LRRTM3: variants seen among roughly 807,000 people sequenced by gnomAD.
The protein encoded by LRRTM3 is leucine rich repeat transmembrane neuronal 3.
In LRRTM3, 24 loss-of-function variants were observed where a neutral mutation model predicts 44.7. The observed-to-expected ratio is 0.54, with a 90% CI of 0.39 to 0.76. The LOEUF is 0.76. Ranked by LOEUF, LRRTM3 falls within the 30% of genes least tolerant of loss-of-function variation. The pLI is 0.00. For synonymous variants in LRRTM3, 277 were observed against 278.7 expected, an observed-to-expected ratio of 0.99 and a Z score of 0.06; for missense variants, 587 against 702.2, an observed-to-expected ratio of 0.84 and a Z score of 1.85.
intron 2 of LRRTM3, among the ~76,000 whole-genome samples, chr10:66,979,357 G>A (rs1042971554): frequency 2.6e-5 from 4 of 152,084 alleles, no homozygotes; most frequent in African/African-American, 9.7e-5. Flanking sequence ...ATTCAATTGA[G>A]TTTTAATTTG....
chr10:66,985,163 A>G (rs1850658074), intron 2 of LRRTM3, among the ~76,000 whole-genome samples: 1 of 152,190 alleles, frequency 6.6e-6, no homozygotes, highest in African/African-American at 2.4e-5. Context: ...GGTATTTCCT[A>G]CCACCTTTAT....
chr10:66,962,993 G>A (rs1849203027), intron 2 of LRRTM3, among the ~76,000 whole-genome samples: 1 of 141,966 alleles, frequency 7.0e-6, no homozygotes, highest in Admixed American at 7.0e-5. Flanking sequence ...AATGAATGAA[G>A]GGGTTCTTTG....
chr10:67,088,779 T>G (rs1053259912), intron 2 of LRRTM3, among the ~76,000 whole-genome samples: 1 of 152,072 alleles, frequency 6.6e-6, no homozygotes, highest in Non-Finnish European at 1.5e-5. Flanking sequence ...CTCTCATTAT[T>G]CTCGTTACAG....
At chr10:67,071,109 G>C (rs2131847823) in intron 2 of LRRTM3, among the ~76,000 whole-genome samples, 1 of 152,184 alleles carries the variant, frequency 6.6e-6, no homozygotes, top group East Asian at 1.9e-4. Flanking sequence ...TATTCTGTAT[G>C]TATTTTAAAT....
At chr10:67,028,709 G>C (rs1853540037) in intron 2 of LRRTM3, among the ~76,000 whole-genome samples, 1 of 149,982 alleles carries the variant, frequency 6.7e-6, no homozygotes, top group Non-Finnish European at 1.5e-5. Context: ...AAACTATTTA[G>C]AACATTTAAA....
intron 2 of LRRTM3, among the ~76,000 whole-genome samples, chr10:67,011,042 A>C (rs1852295673): frequency 1.3e-5 from 2 of 152,108 alleles, no homozygotes; most frequent in Admixed American, 1.3e-4. Context: ...CAACTATGTC[A>C]ATATAGGCCA....
chr10:67,088,108 T>A (rs12782974), intron 2 of LRRTM3, among the ~76,000 whole-genome samples: 53,297 of 150,826 alleles, frequency 0.35, 9,752 homozygotes, highest in Middle Eastern at 0.53. Context: ...AGTGAGTGAG[T>A]GAATGAGTGA....
At chr10:66,944,376 C>T (rs920049620) in intron 2 of LRRTM3, among the ~76,000 whole-genome samples, 1 of 152,158 alleles carries the variant, frequency 6.6e-6, no homozygotes, top group Non-Finnish European at 1.5e-5. Flanking sequence ...TCCATCTTCA[C>T]ACTCCATCTC....
Position 66,928,251 on chromosome 10 carries a change from C to G in LRRTM3, c.1335C>G (p.Tyr445Ter). ...LLVIYVSWKR[Y>*]PASMKQLQQR... is the part of the protein sequence containing the mutation. ...TTATCTACGTGTCATGGAAGCGGTACCCTGCGAGCATGAAGCAGCTGCAGC... is the reference window on the plus strand; with the variant it reads ...TTATCTACGTGTCATGGAAGCGGTAGCCTGCGAGCATGAAGCAGCTGCAGC... Residue 445 changes from tyrosine to a stop codon, truncating the protein, a stop_gained, in exon 2 of 3, where the codon TAC becomes TAG. Coordinates refer to ENST00000361320, the MANE Select transcript of LRRTM3 (RefSeq NM_178011.5). LOFTEE classifies it high-confidence loss of function. 6.2e-7 allele frequency: 1 copy of G among 1,614,146 alleles called. No homozygotes were observed. Among genetic ancestry groups the G allele is most frequent in the Non-Finnish European group, 8.5e-7 (1 of 1,180,032 alleles).
intron 2 of LRRTM3, among the ~76,000 whole-genome samples, chr10:66,999,366 T>G (rs1365348822): frequency 1.3e-5 from 2 of 152,064 alleles, no homozygotes; most frequent in Admixed American, 1.3e-4. Flanking sequence ...AAGAAAAAAC[T>G]TGGGATTCCT....
intron 2 of LRRTM3, among the ~76,000 whole-genome samples, chr10:67,026,898 A>G (rs1347161469): frequency 6.6e-6 from 1 of 152,184 alleles, no homozygotes; most frequent in East Asian, 1.9e-4. Flanking sequence ...AGAGGTTGTA[A>G]TTTAAGATCA....
At chr10:66,972,203 G>T (rs986415520) in intron 2 of LRRTM3, among the ~76,000 whole-genome samples, 2 of 152,152 alleles carry the variant, frequency 1.3e-5, no homozygotes, top group Non-Finnish European at 2.9e-5. Flanking sequence ...AATGAACAAA[G>T]ATTTCTTTCT....
At chr10:67,090,221 C>T (rs1301534582) in intron 2 of LRRTM3, among the ~76,000 whole-genome samples, 1 of 151,992 alleles carries the variant, frequency 6.6e-6, no homozygotes, top group African/African-American at 2.4e-5. Context: ...CTTTCTATGC[C>T]TTGTATTGGT....
At chr10:67,001,153 T>G (rs1313889509) in intron 2 of LRRTM3, among the ~76,000 whole-genome samples, 1 of 150,782 alleles carries the variant, frequency 6.6e-6, no homozygotes, top group East Asian at 2.0e-4. Flanking sequence ...ATACAAAAAT[T>G]AGCTAGGGGT....
chr10:67,027,323 T>G (rs1222190122), intron 2 of LRRTM3, among the ~76,000 whole-genome samples: 5 of 152,186 alleles, frequency 3.3e-5, no homozygotes, highest in Non-Finnish European at 7.3e-5. Flanking sequence ...CATCTGACAT[T>G]CAACTGACAT....
At chr10:66,954,947 A>G (rs1450123749) in intron 2 of LRRTM3, among the ~76,000 whole-genome samples, 2 of 152,188 alleles carry the variant, frequency 1.3e-5, no homozygotes, top group Non-Finnish European at 2.9e-5. Flanking sequence ...AACGGAAGTA[A>G]TAAGCTCAGA....
intron 2 of LRRTM3, among the ~76,000 whole-genome samples, chr10:66,963,897 C>T (rs1041364745): frequency 1.3e-5 from 2 of 151,018 alleles, no homozygotes; most frequent in Non-Finnish European, 2.9e-5. Flanking sequence ...GGCTGGAGTG[C>T]AGTGGCGCAA....
intron 2 of LRRTM3, among the ~76,000 whole-genome samples, chr10:66,957,955 C>T (rs935744285): frequency 6.6e-6 from 1 of 151,938 alleles, no homozygotes; most frequent in Non-Finnish European, 1.5e-5. Context: ...TGAGAGGGCC[C>T]TCTGAAGCAT....
chr10:66,963,120 G>A (rs960277699), intron 2 of LRRTM3, among the ~76,000 whole-genome samples: 1 of 152,152 alleles, frequency 6.6e-6, no homozygotes, highest in African/African-American at 2.4e-5. Flanking sequence ...TTTTAAATGT[G>A]ATGCTTGAAA....
Sources: allele counts gnomAD v4.1 joint callset (sites outside exome capture counted in the v4.1 genomes callset), GRCh38; gene constraint gnomAD v4.1.1; transcripts MANE v1.5; gene names NCBI Gene and HGNC (gene_info 2026-07-23, HGNC 2026-07-21).